The following OR3A2 variants were observed in gnomAD, a reference collection of about 807,000 sequenced individuals.
OR3A2 encodes olfactory receptor 3A2.
For synonymous variants in OR3A2, 126 were observed against 159.3 expected (o/e 0.79, Z 1.57); for missense variants, 318 against 392.8 (o/e 0.81, Z 1.61).
At position 3,352,436 on chromosome 17, in the gene OR3A2, T is replaced by C. The variant is rs147580985; in HGVS notation, c.-178-16310A>G. On this transcript the variant is annotated intron_variant, in intron 2 of 4. Transcript: ENST00000573491. ...ATTTTGATTTGATTTTTATTTATGA[T>C]GAGAGACAGGGGTCTAGTTTTATTC... Among the ~76,000 whole-genome samples the C allele has an allele frequency of 6.5e-3, 994 of 152,138 alleles. 8 individuals are homozygous for C. Among genetic ancestry groups the C allele is most frequent in the Middle Eastern group, 0.027 (8 of 294 alleles).
intron 3 of OR3A2, among the ~76,000 whole-genome samples, chr17:3,320,281 C>G (rs2049109896): frequency 6.6e-6 from 1 of 151,316 alleles, no homozygotes; most frequent in Middle Eastern, 3.4e-3. Context: ...GATATTAGCC[C>G]TTTGTCAGAT....
intron 2 of OR3A2, among the ~76,000 whole-genome samples, chr17:3,351,099 A>C (rs940027921): frequency 1.3e-5 from 2 of 151,484 alleles, no homozygotes; most frequent in African/African-American, 4.8e-5. Context: ...CAAAAGCTGG[A>C]AGCATTCCCT....
At chr17:3,372,150 C>T (rs1472794655) in intron 2 of OR3A2, among the ~76,000 whole-genome samples, 4 of 141,418 alleles carry the variant, frequency 2.8e-5, no homozygotes, top group Admixed American at 7.0e-5. Context: ...CAGACAGGGT[C>T]GCGGCCGGGT....
rs368057871 is a variant in OR3A2, at chr17:3,278,986, T to C, written c.-6-63A>G. On this transcript the variant is annotated intron_variant, in intron 1 of 1. Transcript: ENST00000642052. The stretch of plus-strand genomic sequence containing the variant: ...ACTCAGTTCACTTATTCAACATTAA[T>C]ATTTTAAACCATTTATGTTCAAAGC... 115 of 1,569,922 alleles carry C rather than the reference T, an allele frequency of 7.3e-5. No homozygotes were observed. The African/African-American group carries it at 8.2e-4, about 11-fold the overall frequency.
intron 2 of OR3A2, among the ~76,000 whole-genome samples, chr17:3,383,362 T>A (rs918422461): frequency 1.3e-5 from 2 of 152,198 alleles, no homozygotes; most frequent in Non-Finnish European, 2.9e-5. Context: ...AAAAAGGAAC[T>A]AACATCTATT....
At chr17:3,319,400 A>G (rs2049101638) in intron 3 of OR3A2, among the ~76,000 whole-genome samples, 1 of 151,720 alleles carries the variant, frequency 6.6e-6, no homozygotes, top group African/African-American at 2.4e-5. Context: ...TTATACTTTA[A>G]GTTTTAGGGT....
intron 3 of OR3A2, chr17:3,310,434 A>G (rs9905684): frequency 0.13 from 72,058 of 535,368 alleles, 7,551 homozygotes; most frequent in African/African-American, 0.41. Flanking sequence ...CGTCACTACC[A>G]TTGGAGGCAC....
intron 2 of OR3A2, among the ~76,000 whole-genome samples, chr17:3,380,339 G>T (rs1316045209): frequency 6.6e-6 from 1 of 152,190 alleles, no homozygotes; most frequent in Non-Finnish European, 1.5e-5. Context: ...CCATAGGTGG[G>T]TTCGGAGCCC....
At chr17:3,276,327 C>T (rs957320754), downstream of OR3A2, among the ~76,000 whole-genome samples, 1 of 152,078 alleles carries the variant, frequency 6.6e-6, no homozygotes, top group Non-Finnish European at 1.5e-5. Flanking sequence ...AAGCAGATCA[C>T]AGAACAGTAT....
chr17:3,285,954 T>C (rs1344727628), upstream of OR3A2, among the ~76,000 whole-genome samples: 2 of 152,344 alleles, frequency 1.3e-5, no homozygotes, highest in South Asian at 2.1e-4. Flanking sequence ...CTGGGGTACA[T>C]GTGCAGAATG....
chr17:3,324,195 G>C (rs564852576), intron 3 of OR3A2, among the ~76,000 whole-genome samples: 1 of 152,020 alleles, frequency 6.6e-6, no homozygotes, highest in African/African-American at 2.4e-5. Flanking sequence ...TCGTGCCTTG[G>C]TTTTCAGCTC....
intron 3 of OR3A2, among the ~76,000 whole-genome samples, chr17:3,292,788 C>T (rs751443318): frequency 3.3e-5 from 5 of 152,076 alleles, no homozygotes; most frequent in South Asian, 2.1e-4. Flanking sequence ...TATTTGCAGG[C>T]GTAAGCACAG....
chr17:3,349,601 C>G (rs1405617654), intron 2 of OR3A2, among the ~76,000 whole-genome samples: 1 of 152,106 alleles, frequency 6.6e-6, no homozygotes, highest in Non-Finnish European at 1.5e-5. Flanking sequence ...TAACACCCCA[C>G]TGTCAACATC....
chr17:3,292,430 A>G (rs1307617134), intron 3 of OR3A2: 1 of 1,614,020 alleles, frequency 6.2e-7, no homozygotes, highest in Non-Finnish European at 8.5e-7. Flanking sequence ...CCACCAAGAC[A>G]GCTGCCAGGA....
chr17:3,380,271 A>G (rs529540257), intron 2 of OR3A2, among the ~76,000 whole-genome samples: 3 of 152,306 alleles, frequency 2.0e-5, no homozygotes, highest in Admixed American at 1.3e-4. Context: ...TCTGAGGGAG[A>G]GCAATACACG....
At chr17:3,278,097 T>G in exon 2 of OR3A2, 1 of 1,614,212 alleles carries the variant, frequency 6.2e-7, no homozygotes, top group African/African-American at 1.3e-5. Context: ...AACCCCTTTA[T>G]CCTTGTCTGA....
intron 2 of OR3A2, among the ~76,000 whole-genome samples, chr17:3,380,614 A>G (rs16952959): frequency 0.014 from 2,093 of 152,310 alleles, 36 homozygotes; most frequent in African/African-American, 0.046. Flanking sequence ...TTGAAGACAA[A>G]TGAGTAAGAA....
chr17:3,371,562 C>T (rs575922498), intron 2 of OR3A2, among the ~76,000 whole-genome samples: 15 of 140,154 alleles, frequency 1.1e-4, no homozygotes, highest in African/African-American at 2.9e-4. Flanking sequence ...GCTGGCCGGG[C>T]GGGGGGCTGA....
chr17:3,278,212 C>T (rs775909322), exon 2 of OR3A2: 3 of 1,614,074 alleles, frequency 1.9e-6, no homozygotes, highest in Middle Eastern at 1.6e-4. Flanking sequence ...TTCTTTCGGC[C>T]CTCCACTGAA....
Sources: gnomAD v4.1 joint callset for allele counts (sites outside exome capture counted in the v4.1 genomes callset) on GRCh38, gnomAD v4.1.1 for gene constraint, MANE v1.5 for transcripts, NCBI Gene and HGNC (gene_info 2026-07-23, HGNC 2026-07-21) for gene names.